Variants in DCC observed in about 807,000 individuals in gnomAD.
DCC encodes netrin receptor DCC.
Under a neutral mutation model 172.5 loss-of-function variants are expected in DCC, and 58 were observed. That is an observed-to-expected ratio of 0.34 (90% CI 0.27 to 0.42). DCC has a LOEUF of 0.42. Ranked by LOEUF, DCC falls within the 10% of genes least tolerant of loss-of-function variation. The probability of loss-of-function intolerance (pLI) is 1.00; values close to 1 mark genes in which losing one functional copy is unlikely to be tolerated. For missense variants in DCC, 1,740 were observed against 1,791.0 expected, an observed-to-expected ratio of 0.97 and a Z score of 0.51; for synonymous variants, 709 against 644.5, an observed-to-expected ratio of 1.10 and a Z score of -1.52.
chr18:53,128,830 TACACACAC>T (rs1209652447), intron 7 of DCC, among the ~76,000 whole-genome samples: 70 of 86,948 alleles, frequency 8.1e-4, no homozygotes, highest in African/African-American at 2.6e-3. Context: ...TGTATACACA[TACACACAC>T]ACACACACAC....
intron 1 of DCC, among the ~76,000 whole-genome samples, chr18:52,500,729 G>A (rs2030985486): frequency 6.6e-6 from 1 of 152,028 alleles, no homozygotes; most frequent in African/African-American, 2.4e-5. Context: ...TTTTCATAAT[G>A]TCTCTCTCAT....
chr18:52,581,681 C>T (rs921898590), intron 1 of DCC, among the ~76,000 whole-genome samples: 3 of 152,026 alleles, frequency 2.0e-5, no homozygotes, highest in East Asian at 1.9e-4. Flanking sequence ...TTTCTTCACC[C>T]CTTCATTTTT....
chr18:53,119,287 T>A (rs1261427556), intron 7 of DCC, among the ~76,000 whole-genome samples: 3 of 151,778 alleles, frequency 2.0e-5, no homozygotes, highest in South Asian at 4.1e-4. Context: ...TATTTTATCA[T>A]CTTTGTTCTC....
At chr18:53,493,634 G>A (rs1364947330) in intron 26 of DCC, among the ~76,000 whole-genome samples, 1 of 152,108 alleles carries the variant, frequency 6.6e-6, no homozygotes, top group Non-Finnish European at 1.5e-5. Context: ...ATTGTTGATT[G>A]TGCCTATTTG....
intron 1 of DCC, among the ~76,000 whole-genome samples, chr18:52,526,686 C>A (rs1424619827): frequency 6.6e-6 from 1 of 151,972 alleles, no homozygotes; most frequent in Non-Finnish European, 1.5e-5. Flanking sequence ...CAATTATAGG[C>A]CCGTATTATT....
intron 2 of DCC, among the ~76,000 whole-genome samples, chr18:52,800,849 T>C (rs2037971665): frequency 6.6e-6 from 1 of 152,192 alleles, no homozygotes; most frequent in African/African-American, 2.4e-5. Flanking sequence ...AACATCTATT[T>C]ATTTTATTCA....
At chr18:52,582,827 G>A (rs1372475179) in intron 1 of DCC, among the ~76,000 whole-genome samples, 1 of 152,170 alleles carries the variant, frequency 6.6e-6, no homozygotes, top group East Asian at 1.9e-4. Flanking sequence ...ATTTAGGCAT[G>A]GCCCTGGGAA....
At chr18:52,811,227 T>C (rs909897157) in intron 2 of DCC, among the ~76,000 whole-genome samples, 1 of 152,166 alleles carries the variant, frequency 6.6e-6, no homozygotes, top group African/African-American at 2.4e-5. Flanking sequence ...CTTTCACAGG[T>C]TTTATGAATA....
chr18:52,879,394 A>AGCCCATAT (rs1385153022), intron 2 of DCC, among the ~76,000 whole-genome samples: 2 of 109,754 alleles, frequency 1.8e-5, no homozygotes, highest in Non-Finnish European at 3.8e-5. Flanking sequence ...TGAAATTTCT[A>AGCCCATAT]GCCCATATGT....
intron 5 of DCC, among the ~76,000 whole-genome samples, chr18:53,022,927 T>C (rs1347360944): frequency 1.3e-5 from 2 of 152,266 alleles, no homozygotes; most frequent in South Asian, 2.1e-4. Context: ...TAAGTCTATG[T>C]CAATGATATC....
chr18:53,214,099 A>T (rs2055806566), intron 11 of DCC, among the ~76,000 whole-genome samples: 1 of 152,032 alleles, frequency 6.6e-6, no homozygotes, highest in Non-Finnish European at 1.5e-5. Flanking sequence ...TCTGTATTTA[A>T]TTTTAAAATC....
intron 1 of DCC, among the ~76,000 whole-genome samples, chr18:52,530,568 T>A (rs2032119879): frequency 6.6e-6 from 1 of 152,186 alleles, no homozygotes; most frequent in Non-Finnish European, 1.5e-5. Flanking sequence ...AGGAGGTGCT[T>A]GGTAGGTAAA....
intron 1 of DCC, among the ~76,000 whole-genome samples, chr18:52,462,763 T>C (rs1053752039): frequency 6.6e-6 from 1 of 152,134 alleles, no homozygotes; most frequent in African/African-American, 2.4e-5. Flanking sequence ...GGGATTTGTG[T>C]CAGTTTTATT....
chr18:52,839,320 T>C (rs373362032), intron 2 of DCC, among the ~76,000 whole-genome samples: 1 of 152,202 alleles, frequency 6.6e-6, no homozygotes, highest in South Asian at 2.1e-4. Flanking sequence ...AGTCATCATT[T>C]ATCACAATAA....
At chr18:52,706,898 G>A (rs1341510819) in intron 1 of DCC, among the ~76,000 whole-genome samples, 3 of 152,180 alleles carry the variant, frequency 2.0e-5, no homozygotes, top group Non-Finnish European at 4.4e-5. Context: ...GGGCAAGGGA[G>A]ATGATCAGAG....
chr18:52,460,962 TATGTTTACTTCTTTAGTAA>T (rs1208532567), intron 1 of DCC, among the ~76,000 whole-genome samples: 6 of 152,202 alleles, frequency 3.9e-5, no homozygotes, highest in Non-Finnish European at 2.9e-5. Flanking sequence ...TATAAAAAAT[TATGTTTACTTCTTTAGTAA>T]TGAATAAATC....
At chr18:52,574,803 C>A (rs1427857552) in intron 1 of DCC, among the ~76,000 whole-genome samples, 1 of 152,122 alleles carries the variant, frequency 6.6e-6, no homozygotes, top group African/African-American at 2.4e-5. Flanking sequence ...GTTTTCTTTG[C>A]CTCATGCATC....
chr18:53,449,941 C>T (rs2045386622), intron 22 of DCC, among the ~76,000 whole-genome samples: 5 of 152,106 alleles, frequency 3.3e-5, no homozygotes, highest in Admixed American at 3.3e-4. Flanking sequence ...CACCAGTCTA[C>T]TTTCTGTCTC....
intron 12 of DCC, among the ~76,000 whole-genome samples, chr18:53,274,185 C>T (rs16956465): frequency 0.045 from 6,803 of 152,154 alleles, 530 homozygotes; most frequent in African/African-American, 0.15. Flanking sequence ...CAAGTACATT[C>T]GTAACTTAAA....
Sources: allele counts gnomAD v4.1 joint callset (sites outside exome capture counted in the v4.1 genomes callset), GRCh38; gene constraint gnomAD v4.1.1; transcripts MANE v1.5; gene names NCBI Gene and HGNC (gene_info 2026-07-23, HGNC 2026-07-21).